SPATA17: variants seen among roughly 807,000 people sequenced by gnomAD.
The protein encoded by SPATA17 is spermatogenesis associated 17, also known as spermatogenesis-associated protein 17.
SPATA17 carries 53 observed loss-of-function variants against 62.2 expected under a neutral mutation model. That is an observed-to-expected ratio of 0.85 (90% CI 0.68 to 1.07). SPATA17 has a LOEUF of 1.07. Ranked by LOEUF, SPATA17 falls within the 50% of genes least tolerant of loss-of-function variation. SPATA17 has a pLI of 0.00. For missense variants in SPATA17, 466 were observed against 425.5 expected, an observed-to-expected ratio of 1.10 and a Z score of -0.84; for synonymous variants, 146 against 146.8, an observed-to-expected ratio of 0.99 and a Z score of 0.04.
At chr1:217,831,976 A>G (rs1177396028) in intron 9 of SPATA17, among the ~76,000 whole-genome samples, 1 of 152,204 alleles carries the variant, frequency 6.6e-6, no homozygotes, top group Non-Finnish European at 1.5e-5. Flanking sequence ...TAGTACTTTT[A>G]AAAGAAATAA....
chr1:217,786,639 C>A (rs2102979430), intron 8 of SPATA17, among the ~76,000 whole-genome samples: 1 of 152,078 alleles, frequency 6.6e-6, no homozygotes, highest in African/African-American at 2.4e-5. Flanking sequence ...GATTGTGAGA[C>A]AAATGTATTT....
intron 6 of SPATA17, among the ~76,000 whole-genome samples, chr1:217,762,834 T>C (rs1673204839): frequency 6.6e-6 from 1 of 152,080 alleles, no homozygotes. Context: ...TAGCTGGGCG[T>C]GGTGGTGTGT....
intron 9 of SPATA17, among the ~76,000 whole-genome samples, chr1:217,802,888 A>T (rs748862287): frequency 2.0e-5 from 3 of 152,122 alleles, no homozygotes; most frequent in Non-Finnish European, 2.9e-5. Flanking sequence ...TATCTAAATC[A>T]TAGGAACATG....
intron 1 of SPATA17, among the ~76,000 whole-genome samples, chr1:217,648,583 TCTTA>T (rs2102882127): frequency 6.6e-6 from 1 of 152,352 alleles, no homozygotes; most frequent in East Asian, 1.9e-4. Flanking sequence ...ATAACACATT[TCTTA>T]CTTACTCCCT....
intron 9 of SPATA17, among the ~76,000 whole-genome samples, chr1:217,828,136 A>G (rs1215743475): frequency 6.6e-6 from 1 of 152,196 alleles, no homozygotes; most frequent in Non-Finnish European, 1.5e-5. Context: ...CAGTATGAAT[A>G]AAAACAATGT....
intron 9 of SPATA17, among the ~76,000 whole-genome samples, chr1:217,814,590 G>A (rs925429382): frequency 6.6e-6 from 1 of 152,156 alleles, no homozygotes; most frequent in African/African-American, 2.4e-5. Context: ...GCTCACTCCT[G>A]TAATCCCAGC....
At chr1:217,702,535 T>C (rs780978256) in intron 5 of SPATA17, among the ~76,000 whole-genome samples, 2 of 152,240 alleles carry the variant, frequency 1.3e-5, no homozygotes, top group Admixed American at 6.5e-5. Context: ...TATCTCATTT[T>C]TTAATGGAAG....
chr1:217,843,361 A>T (rs1236639952), intron 9 of SPATA17, among the ~76,000 whole-genome samples: 1 of 152,058 alleles, frequency 6.6e-6, no homozygotes, highest in African/African-American at 2.4e-5. Context: ...TCATGCCTGT[A>T]ATCTCAGCAC....
chr1:217,730,260 A>G (rs1280336706), intron 5 of SPATA17, among the ~76,000 whole-genome samples: 1 of 150,108 alleles, frequency 6.7e-6, no homozygotes, highest in Non-Finnish European at 1.5e-5. Context: ...CTCTGTCGCC[A>G]AGGCTACAGT....
At chr1:217,852,484 C>A (rs919906499) in intron 9 of SPATA17, among the ~76,000 whole-genome samples, 3 of 152,112 alleles carry the variant, frequency 2.0e-5, no homozygotes, top group Non-Finnish European at 2.9e-5. Context: ...TGTGTGATGA[C>A]AACATCAGGA....
chr1:217,834,209 G>A (rs758957225), intron 9 of SPATA17, among the ~76,000 whole-genome samples: 10 of 152,036 alleles, frequency 6.6e-5, no homozygotes, highest in Non-Finnish European at 1.3e-4. Context: ...TAAAAGTATA[G>A]CACATATGAT....
intron 6 of SPATA17, among the ~76,000 whole-genome samples, chr1:217,749,969 CTCTCTCTCTCTCTCTCTATATA>C: frequency 2.1e-5 from 1 of 46,940 alleles, no homozygotes; most frequent in Non-Finnish European, 4.9e-5. Context: ...CTCTCTCTCT[CTCTCTCTCTCTCTCTCTATATA>C]TATATATATA....
chr1:217,702,522 A>G (rs1333693683), intron 5 of SPATA17, among the ~76,000 whole-genome samples: 2 of 152,172 alleles, frequency 1.3e-5, no homozygotes, highest in African/African-American at 2.4e-5. Flanking sequence ...ATGACCCTCT[A>G]TGTATCTCAT....
intron 4 of SPATA17, among the ~76,000 whole-genome samples, chr1:217,679,215 T>C (rs1671020288): frequency 1.3e-5 from 2 of 152,202 alleles, no homozygotes. Context: ...TTTCTCTTTA[T>C]ACAATATATA....
chr1:217,702,029 G>GGT lies in SPATA17; in HGVS notation c.395+18671_395+18672dup, dbSNP rs966188133. 3.8e-5 allele frequency among the ~76,000 whole-genome samples: 4 copies of GGT among 105,124 alleles called. 1 individual carries two copies. Among genetic ancestry groups the GGT allele is most frequent in the South Asian group, 5.5e-4 (2 of 3,648 alleles). 69.0% of individuals were successfully genotyped at this position (105,124 alleles called of 152,430 possible). The stretch of plus-strand genomic sequence containing the variant: ...TACTTAGAGGCAATCACTAAAATTT[G>GGT]GTGTATATATATATATATATATGCA... On this transcript the variant is annotated intron_variant, in intron 5 of 10. Transcript: ENST00000366933.
intron 4 of SPATA17, among the ~76,000 whole-genome samples, chr1:217,679,018 A>G (rs918004388): frequency 3.3e-5 from 5 of 152,172 alleles, no homozygotes; most frequent in Non-Finnish European, 7.3e-5. Flanking sequence ...AATTAAAAGT[A>G]TATTTACTAG....
intron 6 of SPATA17, among the ~76,000 whole-genome samples, chr1:217,748,982 G>A (rs1465436327): frequency 6.6e-6 from 1 of 151,974 alleles, no homozygotes; most frequent in African/African-American, 2.4e-5. Flanking sequence ...TTGTATATTT[G>A]GTATATTTGG....
intron 5 of SPATA17, among the ~76,000 whole-genome samples, chr1:217,700,936 C>A (rs965358378): frequency 6.6e-6 from 1 of 151,018 alleles, no homozygotes. Flanking sequence ...TCATGAAATT[C>A]TTTTTCAATT....
At chr1:217,797,251 C>CTT (rs11360301) in intron 8 of SPATA17, among the ~76,000 whole-genome samples, 2 of 119,846 alleles carry the variant, frequency 1.7e-5, no homozygotes, top group East Asian at 2.4e-4. Context: ...TTCTTTCTTT[C>CTT]TTTTTTTTTT....
Sources: gnomAD v4.1 joint callset for allele counts (sites outside exome capture counted in the v4.1 genomes callset) on GRCh38, gnomAD v4.1.1 for gene constraint, MANE v1.5 for transcripts, NCBI Gene and HGNC (gene_info 2026-07-23, HGNC 2026-07-21) for gene names.